C10orf67: variants seen among roughly 807,000 people sequenced by gnomAD.
C10orf67 encodes chromosome 10 open reading frame 67.
C10orf67 carries 60 observed loss-of-function variants against 35.6 expected under a neutral mutation model. The ratio of observed to expected loss-of-function variants is 1.68; its 90% CI spans 1.37 to 2.09. The LOEUF (loss-of-function observed/expected upper bound fraction) is 2.09. Ranked by LOEUF, C10orf67 falls within the 30% of genes most tolerant of loss-of-function variation. C10orf67 has a pLI of 0.00. For missense variants in C10orf67, 474 were observed against 330.2 expected (o/e 1.44, Z -3.38); for synonymous variants, 167 against 115.8 (o/e 1.44, Z -2.84).
intron 2 of C10orf67, among the ~76,000 whole-genome samples, chr10:23,327,656 C>G (rs1216041762): frequency 2.0e-5 from 3 of 152,126 alleles, no homozygotes; most frequent in African/African-American, 7.2e-5. Flanking sequence ...GAAACCCCAT[C>G]TCTACTAAAA....
intron 15 of C10orf67, among the ~76,000 whole-genome samples, chr10:23,211,478 T>TGTG (rs1352917426): frequency 1.7e-3 from 245 of 147,402 alleles, no homozygotes; most frequent in African/African-American, 5.3e-3. Context: ...TGTGTGTGTG[T>TGTG]GGGGGGGGGG....
chr10:23,279,135 G>C (rs185445213), intron 8 of C10orf67, among the ~76,000 whole-genome samples: 2 of 152,284 alleles, frequency 1.3e-5, no homozygotes, highest in East Asian at 1.9e-4. Flanking sequence ...GGCTATGCAG[G>C]ACTAATAAAT....
chr10:23,296,064 C>A (rs572844178), intron 5 of C10orf67, among the ~76,000 whole-genome samples: 3 of 152,262 alleles, frequency 2.0e-5, no homozygotes, highest in Non-Finnish European at 4.4e-5. Flanking sequence ...TTTAGATAAA[C>A]CATAAATTGT....
In C10orf67 at chr10:23,203,687, A is replaced by C. The variant is rs1299503734; in HGVS notation, c.*486T>G. 6.6e-6 allele frequency: 1 copy of C among 152,374 alleles called. No individual in the cohort carries two copies. Among genetic ancestry groups the C allele is most frequent in the Admixed American group, 6.5e-5 (1 of 15,292 alleles). The allele number at this position is 152,374 out of a possible 1,614,324, so 9.4% of individuals were successfully genotyped here. ...GCTAGGTGCCCTGTGCCGGGGTAAG[A>C]TAAGAATGAATCTTGCTTGAGGAAA... On this transcript the variant is annotated 3_prime_UTR_variant, in exon 16 of 16. Coordinates refer to ENST00000636213, the MANE Select transcript of C10orf67 (RefSeq NM_001371909.1).
chr10:23,235,391 T>G (rs1347019113), intron 13 of C10orf67, among the ~76,000 whole-genome samples: 1 of 152,100 alleles, frequency 6.6e-6, no homozygotes, highest in East Asian at 1.9e-4. Flanking sequence ...AAGGAAAAAT[T>G]ATAGACTGAG....
chr10:23,273,235 A>G (rs1843081582), intron 8 of C10orf67, among the ~76,000 whole-genome samples: 1 of 152,226 alleles, frequency 6.6e-6, no homozygotes, highest in Non-Finnish European at 1.5e-5. Context: ...GGAAGTGATA[A>G]GAGCAGAAAT....
intron 10 of C10orf67, among the ~76,000 whole-genome samples, chr10:23,259,890 T>C (rs1444740800): frequency 6.6e-6 from 1 of 152,030 alleles, no homozygotes; most frequent in Admixed American, 6.6e-5. Context: ...AAAAAAGTAG[T>C]TCAAACTTTA....
At chr10:23,272,345 C>T (rs1220558322) in intron 8 of C10orf67, among the ~76,000 whole-genome samples, 1 of 152,202 alleles carries the variant, frequency 6.6e-6, no homozygotes, top group Non-Finnish European at 1.5e-5. Flanking sequence ...CAATTCTGAT[C>T]CATTTCAAGT....
chr10:23,239,755 G>A lies in C10orf67; in HGVS notation c.1408C>T (p.Leu470Phe). The change falls in exon 13 of 16, where the codon CTT (leucine) becomes TTT (phenylalanine). Residue 470 changes from leucine (L) to phenylalanine (F), a missense_variant. Leu to Phe is a conservative substitution (Grantham distance 22). Transcript: ENST00000636213. ...RHTLFRQFAV[L>F]ADTSFNYIKV... is the part of the protein sequence containing the mutation. ...ATATAATTGAAGGATGTGTCAGCAA[G>A]CACTGCAAACTGACGAAACAGTGTG... 1 of 660,330 alleles carries A rather than the reference G, an allele frequency of 1.5e-6. No individual in the cohort carries two copies. The highest frequency in any genetic ancestry group is 1.6e-5 in the South Asian group (1 of 60,820). 40.9% of individuals were successfully genotyped at this position (660,330 alleles called of 1,614,324 possible).
chr10:23,254,113 G>A (rs1451082242), intron 10 of C10orf67, among the ~76,000 whole-genome samples: 1 of 152,130 alleles, frequency 6.6e-6, no homozygotes, highest in Non-Finnish European at 1.5e-5. Context: ...GAAAATGAGT[G>A]TTAATATTAA....
chr10:23,207,752 T>G (rs954492086), intron 15 of C10orf67, among the ~76,000 whole-genome samples: 4 of 152,214 alleles, frequency 2.6e-5, no homozygotes, highest in Non-Finnish European at 5.9e-5. Flanking sequence ...CATTTTGAAG[T>G]GATAATCTGT....
intron 15 of C10orf67, among the ~76,000 whole-genome samples, chr10:23,209,393 G>A (rs770119782): frequency 3.3e-5 from 5 of 152,074 alleles, no homozygotes; most frequent in South Asian, 2.1e-4. Flanking sequence ...AGAGGAGAGC[G>A]TTTGGAGAAT....
At chr10:23,339,118 A>G (rs1161602752) in intron 1 of C10orf67, among the ~76,000 whole-genome samples, 2 of 152,220 alleles carry the variant, frequency 1.3e-5, no homozygotes, top group African/African-American at 4.8e-5. Flanking sequence ...TGGAAGTCTT[A>G]GTTCACAAGG....
rs188064065 is a variant in C10orf67 at position 23,315,524 on chromosome 10, A to C, written c.546+5217T>G. On this transcript the variant is annotated intron_variant, in intron 4 of 15. Coordinates refer to ENST00000636213, the MANE Select transcript of C10orf67 (RefSeq NM_001371909.1). ...CATGATCATGGCTCACTGCAGCCTTAACTTCCTGGGCTCAAGTGATACTCC... is the reference window on the plus strand; with the variant it reads ...CATGATCATGGCTCACTGCAGCCTTCACTTCCTGGGCTCAAGTGATACTCC... 4.7e-4 allele frequency among the ~76,000 whole-genome samples: 72 copies of C among 152,062 alleles called. 1 individual carries two copies. Among genetic ancestry groups the C allele is most frequent in the African/African-American group, 1.7e-3 (71 of 41,490 alleles).
At chr10:23,236,177 AGGC>A (rs1842042676) in intron 13 of C10orf67, among the ~76,000 whole-genome samples, 1 of 141,958 alleles carries the variant, frequency 7.0e-6, no homozygotes, top group Non-Finnish European at 1.5e-5. Context: ...TGAACCCGGG[AGGC>A]GGAGCTTGCA....
chr10:23,344,501 T>C, intron 1 of C10orf67, 68 bp downstream of exon 1: 1 of 1,439,526 alleles, frequency 6.9e-7, no homozygotes, highest in Non-Finnish European at 9.5e-7. Context: ...AAATAACCCT[T>C]CAGCCTCCCG....
chr10:23,261,590 G>T (rs907170081), intron 10 of C10orf67, among the ~76,000 whole-genome samples: 5 of 152,172 alleles, frequency 3.3e-5, no homozygotes, highest in African/African-American at 1.2e-4. Context: ...GGAATTACAG[G>T]TGTGAGCAGC....
intron 7 of C10orf67, among the ~76,000 whole-genome samples, chr10:23,282,547 G>A (rs1175225757): frequency 6.6e-6 from 1 of 152,196 alleles, no homozygotes; most frequent in African/African-American, 2.4e-5. Flanking sequence ...AGGATTGCTT[G>A]AGGCCAAGGG....
At chr10:23,218,809 G>A (rs1841502028) in intron 15 of C10orf67, among the ~76,000 whole-genome samples, 1 of 152,038 alleles carries the variant, frequency 6.6e-6, no homozygotes, top group Non-Finnish European at 1.5e-5. Context: ...CTATTGTTTG[G>A]ATATACATTG....
Sources: gnomAD v4.1 joint callset for allele counts (sites outside exome capture counted in the v4.1 genomes callset) on GRCh38, gnomAD v4.1.1 for gene constraint, MANE v1.5 for transcripts, NCBI Gene and HGNC (gene_info 2026-07-23, HGNC 2026-07-21) for gene names.